The following ITPR1 variants were observed in gnomAD, a reference collection of about 807,000 sequenced individuals.
ITPR1 encodes the protein inositol 1,4,5-trisphosphate-gated calcium channel ITPR1.
A neutral mutation model predicts 318.4 loss-of-function variants in ITPR1; 96 were observed. The ratio of observed to expected loss-of-function variants is 0.30; its 90% CI spans 0.26 to 0.36. The LOEUF is 0.36. Ranked by LOEUF, ITPR1 falls within the 10% of genes least tolerant of loss-of-function variation. ITPR1 has a pLI of 1.00. For synonymous variants in ITPR1, 1,312 were observed against 1,289.9 expected (o/e 1.02, Z -0.37); for missense variants, 2,440 against 3,460.2 (o/e 0.71, Z 7.40).
intron 61 of ITPR1, among the ~76,000 whole-genome samples, chr3:4,839,689 A>G (rs1398019936): frequency 1.3e-5 from 2 of 152,234 alleles, no homozygotes; most frequent in African/African-American, 4.8e-5. Context: ...AAAATCCAAG[A>G]TAAGATTATT....
At position 4,661,994 on chromosome 3, in the gene ITPR1, A is replaced by G. The variant is rs924819410; in HGVS notation, c.1252-88A>G. On this transcript the variant is annotated intron_variant, in intron 14 of 61. Transcript: ENST00000649015. Reference sequence around the variant, plus strand: ...AAGATAGCTCTAGTATCTTGGGATCAGCCAGTGTCTCGTAAATGTAGTGTT... The same window carrying G: ...AAGATAGCTCTAGTATCTTGGGATCGGCCAGTGTCTCGTAAATGTAGTGTT... 2.9e-5 allele frequency: 33 copies of G among 1,145,976 alleles called. No individual in the cohort carries two copies. In the African/African-American group the frequency reaches 4.7e-4, roughly 16 times the overall value. The allele number at this position is 1,145,976 out of a possible 1,614,324, so 71.0% of individuals were successfully genotyped here.
intron 4 of ITPR1, among the ~76,000 whole-genome samples, chr3:4,523,342 G>T (rs562085284): frequency 6.6e-6 from 1 of 152,214 alleles, no homozygotes; most frequent in South Asian, 2.1e-4. Flanking sequence ...TATATTTATG[G>T]TGTACAACAT....
intron 44 of ITPR1, among the ~76,000 whole-genome samples, chr3:4,760,763 A>G (rs1398079225): frequency 2.0e-5 from 3 of 152,150 alleles, no homozygotes; most frequent in African/African-American, 7.2e-5. Flanking sequence ...GCAATGGTGA[A>G]TGGAGTCCTT....
intron 19 of ITPR1, among the ~76,000 whole-genome samples, chr3:4,670,016 G>A (rs191603873): frequency 2.6e-5 from 4 of 152,278 alleles, no homozygotes; most frequent in Admixed American, 6.5e-5. Context: ...TAAACTCACC[G>A]GGGAGCATTT....
At chr3:4,681,254 A>T in intron 25 of ITPR1, 110 bp from the exon 26 acceptor site, 1 of 727,518 alleles carries the variant, frequency 1.4e-6, no homozygotes, top group Non-Finnish European at 2.5e-6. Context: ...ATGTTCTGGG[A>T]GATTTGGGGT....
intron 4 of ITPR1, among the ~76,000 whole-genome samples, chr3:4,602,745 A>G (rs1484425588): frequency 6.6e-6 from 1 of 152,124 alleles, no homozygotes; most frequent in Non-Finnish European, 1.5e-5. Flanking sequence ...TGCTAAGTGA[A>G]AGAAGCCTGT....
At position 4,826,641 on chromosome 3, in the gene ITPR1, C is replaced by G. The variant is rs1248637282; in HGVS notation, c.8028+8399C>G. Among the ~76,000 whole-genome samples the G allele has an allele frequency of 2.0e-5, 3 of 152,192 alleles. No individual in the cohort carries two copies. The highest frequency in any genetic ancestry group is 4.4e-5 in the Non-Finnish European group (3 of 68,046). On this transcript the variant is annotated intron_variant, in intron 60 of 61. Coordinates refer to ENST00000649015, the MANE Select transcript of ITPR1 (RefSeq NM_001378452.1). The surrounding 1 kb of genome is among the most constrained non-coding windows in gnomAD (Gnocchi z 4.2). The stretch of plus-strand genomic sequence containing the variant: ...AAAGCAGTTGCTGAGCTTAAGTTTC[C>G]CCACCCAGCCTTAGAACACATTCTG...
intron 42 of ITPR1, among the ~76,000 whole-genome samples, chr3:4,728,931 G>A (rs1024224355): frequency 2.6e-5 from 4 of 152,166 alleles, no homozygotes; most frequent in East Asian, 1.9e-4. Context: ...CATTTCATCC[G>A]AATTCGGGAC....
chr3:4,741,490 T>G (rs1322882240), intron 44 of ITPR1, among the ~76,000 whole-genome samples: 1 of 151,990 alleles, frequency 6.6e-6, no homozygotes, highest in Admixed American at 6.5e-5. Context: ...GAAACTGGCC[T>G]GCAAATTCAG....
intron 44 of ITPR1, among the ~76,000 whole-genome samples, chr3:4,756,271 T>A (rs1327224459): frequency 6.6e-6 from 1 of 152,220 alleles, no homozygotes; most frequent in African/African-American, 2.4e-5. Context: ...GATGTTTATC[T>A]CTGCACGTGC....
At chr3:4,548,221 T>C (rs981436338) in intron 4 of ITPR1, among the ~76,000 whole-genome samples, 1 of 152,226 alleles carries the variant, frequency 6.6e-6, no homozygotes, top group African/African-American at 2.4e-5. Context: ...GGTTAATTGA[T>C]TGTGTACTAT....
intron 38 of ITPR1, among the ~76,000 whole-genome samples, chr3:4,711,210 CAAAAAAAA>C (rs1169754547): frequency 4.8e-3 from 279 of 57,914 alleles, no homozygotes; most frequent in South Asian, 0.011. Flanking sequence ...GACCTTGTCT[CAAAAAAAA>C]AAAAAAAAAA....
rs182812726 is a variant in ITPR1, at chr3:4,608,938, G to A, written c.164-18825G>A. ...AATTGCTTGAACCCTGGAGGTAGAG[G>A]TTGCAGTGAGCCGAGATCACGCACT... On this transcript the variant is annotated intron_variant, in intron 4 of 61. Transcript: ENST00000649015. Among the ~76,000 whole-genome samples, 122 of 145,552 alleles carry A rather than the reference G, an allele frequency of 8.4e-4. 1 individual carries two copies. Among genetic ancestry groups the A allele is most frequent in the Admixed American group, 1.4e-3 (21 of 14,516 alleles).
At chr3:4,662,293 C>G in intron 15 of ITPR1, 51 bp downstream of exon 15, 2 of 1,419,536 alleles carry the variant, frequency 1.4e-6, no homozygotes, top group South Asian at 1.7e-5. Context: ...CTGAGAGTTT[C>G]TGACATCCAT....
At chr3:4,625,598 C>A (rs890617968) in intron 4 of ITPR1, among the ~76,000 whole-genome samples, 3 of 152,246 alleles carry the variant, frequency 2.0e-5, no homozygotes, top group Non-Finnish European at 2.9e-5. Context: ...GCTCTGTCGC[C>A]CAGGCTGGAG....
chr3:4,509,266 TTCTGAG>T (rs2081620765), intron 2 of ITPR1, among the ~76,000 whole-genome samples: 1 of 152,232 alleles, frequency 6.6e-6, no homozygotes, highest in African/African-American at 2.4e-5. Flanking sequence ...GACTCACATA[TTCTGAG>T]TCTGTTTCCA....
At chr3:4,764,997 G>T (rs1159898497) in intron 44 of ITPR1, among the ~76,000 whole-genome samples, 1 of 151,796 alleles carries the variant, frequency 6.6e-6, no homozygotes, top group East Asian at 1.9e-4. Flanking sequence ...TGGGTGAATG[G>T]GTGGGTGGGT....
intron 22 of ITPR1, 109 bp downstream of exon 22, chr3:4,674,452 C>A: frequency 1.1e-6 from 1 of 906,128 alleles, no homozygotes; most frequent in Non-Finnish European, 1.6e-6. Context: ...TCATGATGCT[C>A]TGGTTTTGTA....
Position 4,795,051 on chromosome 3 carries a change from C to CT in ITPR1, c.6809-11dup, listed in dbSNP as rs1311739469. 2 of 1,599,596 alleles carry CT rather than the reference C, an allele frequency of 1.3e-6. No individual in the cohort carries two copies. Among genetic ancestry groups the CT allele is most frequent in the South Asian group, 2.2e-5 (2 of 89,152 alleles). ...GGTCTCCAGCCTCACGCGGCTTTGC[C>CT]TTTGTCTCTGCAGCCCAGCCCGTGT... On this transcript the variant is annotated splice_polypyrimidine_tract_variant and intron_variant, in intron 52 of 61. Transcript: ENST00000649015.
Sources: allele counts gnomAD v4.1 joint callset (sites outside exome capture counted in the v4.1 genomes callset), GRCh38; gene constraint gnomAD v4.1.1; non-coding constraint Gnocchi (gnomAD v3.1); transcripts MANE v1.5; gene names NCBI Gene and HGNC (gene_info 2026-07-23, HGNC 2026-07-21).